Variants in LRRIQ1 observed in about 807,000 individuals in gnomAD.
LRRIQ1 encodes the protein leucine rich repeats and IQ motif containing 1.
A neutral mutation model predicts 211.9 loss-of-function variants in LRRIQ1; 210 were observed. The observed-to-expected ratio is 0.99, with a 90% CI of 0.89 to 1.11. The LOEUF is 1.11. Ranked by LOEUF, LRRIQ1 falls within the 50% of genes most tolerant of loss-of-function variation. The pLI, the probability that LRRIQ1 is intolerant of heterozygous loss-of-function variation, is 0.00. For missense variants in LRRIQ1, 2,136 were observed against 1,939.5 expected, an observed-to-expected ratio of 1.10 and a Z score of -1.90; for synonymous variants, 699 against 650.1, an observed-to-expected ratio of 1.08 and a Z score of -1.14.
chr12:85,216,251 G>T (rs1894074522), intron 24 of LRRIQ1, among the ~76,000 whole-genome samples: 1 of 152,100 alleles, frequency 6.6e-6, no homozygotes, highest in African/African-American at 2.4e-5. Context: ...TCCCACTTAT[G>T]AGTGAGAACA....
At chr12:85,257,082 AATTAT>A (rs1368045743) in intron 1 of LRRIQ1, among the ~76,000 whole-genome samples, 16 of 94,728 alleles carry the variant, frequency 1.7e-4, no homozygotes, top group African/African-American at 4.1e-4. Flanking sequence ...AAATATATAT[AATTAT>A]ATTATATAAT....
At chr12:85,248,620 A>T (rs1169323121), downstream of LRRIQ1, among the ~76,000 whole-genome samples, 3 of 151,662 alleles carry the variant, frequency 2.0e-5, no homozygotes, top group Non-Finnish European at 4.4e-5. Context: ...TTCTTTGGTT[A>T]TATCTAAACT....
intron 11 of LRRIQ1, among the ~76,000 whole-genome samples, chr12:85,090,071 A>C (rs1392304201): frequency 6.6e-6 from 1 of 152,244 alleles, no homozygotes; most frequent in Admixed American, 6.5e-5. Context: ...GCTGTGGCTC[A>C]AAGGAGCCCA....
intron 24 of LRRIQ1, among the ~76,000 whole-genome samples, chr12:85,176,664 G>A (rs1419544545): frequency 6.6e-6 from 1 of 150,926 alleles, no homozygotes; most frequent in Non-Finnish European, 1.5e-5. Flanking sequence ...AGTGGGTGCA[G>A]TGCACCAGCA....
chr12:85,156,705 C>A (rs1300473781), intron 23 of LRRIQ1, among the ~76,000 whole-genome samples: 2 of 151,670 alleles, frequency 1.3e-5, no homozygotes, highest in Admixed American at 6.6e-5. Context: ...TTTAAATATA[C>A]TTGGAGATAC....
chr12:85,186,485 C>T (rs758674034), intron 24 of LRRIQ1, among the ~76,000 whole-genome samples: 3 of 152,066 alleles, frequency 2.0e-5, no homozygotes, highest in Non-Finnish European at 4.4e-5. Flanking sequence ...ACAAGCGTAA[C>T]TCCTGGTTCT....
intron 11 of LRRIQ1, among the ~76,000 whole-genome samples, chr12:85,088,541 T>G (rs1226944363): frequency 1.3e-5 from 2 of 152,210 alleles, no homozygotes; most frequent in Non-Finnish European, 2.9e-5. Flanking sequence ...TTGGGCAGTA[T>G]GGCCATTTTC....
At chr12:85,167,403 C>G (rs1467245750) in intron 24 of LRRIQ1, among the ~76,000 whole-genome samples, 1 of 152,146 alleles carries the variant, frequency 6.6e-6, no homozygotes, top group Non-Finnish European at 1.5e-5. Flanking sequence ...CTCAAAACCT[C>G]AAAAGTAGGG....
chr12:85,038,229 A>C lies in LRRIQ1; in HGVS notation c.53A>C (p.Lys18Thr). ...GCAGAAATAGAAGCTGAATTGGATA[A>C]ACTCAGCATTTCCTCCTTGGAAAAA... ...LKAEIEAELD[K>T]LSISSLEKED... The change falls in exon 2 of 27, where the codon AAA becomes ACA. Residue 18 changes from lysine (K) to threonine (T), a missense_variant. Physicochemically the swap from Lys to Thr is moderately conservative, Grantham distance 78. Transcript: ENST00000393217. The C allele has an allele frequency of 1.3e-6, 2 of 1,586,226 alleles. No individual in the cohort carries two copies. The highest frequency in any genetic ancestry group is 1.7e-6 in the Non-Finnish European group (2 of 1,164,674).
chr12:85,083,035 T>C (rs1884459121), intron 11 of LRRIQ1, among the ~76,000 whole-genome samples: 1 of 152,154 alleles, frequency 6.6e-6, no homozygotes, highest in Non-Finnish European at 1.5e-5. Flanking sequence ...TTAAATGAGA[T>C]TTTTATCCCA....
chr12:85,149,957 G>A (rs1890131657), intron 19 of LRRIQ1, among the ~76,000 whole-genome samples: 1 of 151,772 alleles, frequency 6.6e-6, no homozygotes, highest in African/African-American at 2.4e-5. Context: ...ACTTTATGTA[G>A]CCTTTCCAAG....
Position 85,124,495 on chromosome 12 carries a change from A to G in LRRIQ1, c.3983A>G (p.Gln1328Arg). The G allele has an allele frequency of 6.2e-7, 1 of 1,612,452 alleles. No homozygotes were observed. The change falls in exon 17 of 27, where the codon CAA (glutamine) becomes CGA (arginine). Residue 1328 changes from glutamine (Q) to arginine (R), a missense_variant. Coordinates refer to ENST00000393217, the MANE Select transcript of LRRIQ1 (RefSeq NM_001079910.2). Reference protein sequence around the residue: ...VMTNSLLRNHQNIEPSEKIMA... With the variant: ...VMTNSLLRNHRNIEPSEKIMA... ...ACAAATTCTTTGCTGAGGAATCACC[A>G]AAATATTGAGCCTAGTGAAAAAATG...
At chr12:85,186,666 T>A (rs1047432208) in intron 24 of LRRIQ1, among the ~76,000 whole-genome samples, 2 of 152,112 alleles carry the variant, frequency 1.3e-5, no homozygotes, top group Admixed American at 6.6e-5. Context: ...TATATTTTTT[T>A]AATAAGAAGC....
At chr12:85,054,033 T>G in intron 7 of LRRIQ1, among the ~76,000 whole-genome samples, 1 of 152,248 alleles carries the variant, frequency 6.6e-6, no homozygotes, top group East Asian at 1.9e-4. Flanking sequence ...GTTGCATATT[T>G]ATTTTTGCCT....
chr12:85,056,078 G>A lies in LRRIQ1; in HGVS notation c.1285G>A (p.Glu429Lys), dbSNP rs777149304. Residue 429 changes from glutamate (E) to lysine (K), a missense_variant, in exon 8 of 27, where the codon GAA becomes AAA. By Grantham distance (56) the Glu-to-Lys change is moderately conservative. Coordinates refer to ENST00000393217, the MANE Select transcript of LRRIQ1 (RefSeq NM_001079910.2). ...TGATATAGCCAAAAATCTAGTGGAT[G>A]AAAATTCAAAGAAGCAGGAAGATGT... is the stretch of plus-strand genomic sequence containing the variant. Reference protein sequence around the residue: ...KGDIAKNLVDENSKKQEDVLL... With the variant: ...KGDIAKNLVDKNSKKQEDVLL... The A allele has an allele frequency of 5.6e-6, 9 of 1,595,676 alleles. No individual in the cohort carries two copies. In the East Asian group the frequency reaches 1.6e-4, roughly 28 times the overall value.
At chr12:85,111,526 C>G (rs1444729931) in intron 15 of LRRIQ1, among the ~76,000 whole-genome samples, 1 of 152,098 alleles carries the variant, frequency 6.6e-6, no homozygotes, top group Non-Finnish European at 1.5e-5. Context: ...CCAACACTAA[C>G]AGTCTGTGTG....
At chr12:85,089,911 C>T (rs1420502655) in intron 11 of LRRIQ1, among the ~76,000 whole-genome samples, 1 of 152,048 alleles carries the variant, frequency 6.6e-6, no homozygotes, top group African/African-American at 2.4e-5. Flanking sequence ...TGCTGATAGC[C>T]AAGACAATAA....
chr12:85,180,091 C>T (rs979815032), intron 24 of LRRIQ1, among the ~76,000 whole-genome samples: 1 of 151,990 alleles, frequency 6.6e-6, no homozygotes, highest in African/African-American at 2.4e-5. Context: ...CTATTTCCAA[C>T]TTAAACTTAC....
At chr12:85,270,620 T>A in the LRRIQ1 span, among the ~76,000 whole-genome samples, 1 of 152,178 alleles carries the variant, frequency 6.6e-6, no homozygotes, top group Non-Finnish European at 1.5e-5. Context: ...ATTTGTTAAT[T>A]ATTTTTTCTA....
Sources: gnomAD v4.1 joint callset for allele counts (sites outside exome capture counted in the v4.1 genomes callset) on GRCh38, gnomAD v4.1.1 for gene constraint, MANE v1.5 for transcripts, NCBI Gene and HGNC (gene_info 2026-07-23, HGNC 2026-07-21) for gene names.